The following TMEM132C variants were observed in gnomAD, a reference collection of about 807,000 sequenced individuals.
TMEM132C encodes the protein protein phosphatase 1, regulatory subunit 152.
TMEM132C carries 29 observed loss-of-function variants against 61.4 expected under a neutral mutation model. The observed-to-expected ratio is 0.47, with a 90% CI of 0.35 to 0.64. TMEM132C has a LOEUF of 0.64. Ranked by LOEUF, TMEM132C falls within the 30% of genes least tolerant of loss-of-function variation. The pLI is 0.00. For missense variants in TMEM132C, 1,408 were observed against 1,476.9 expected (o/e 0.95, Z 0.76); for synonymous variants, 656 against 633.1 (o/e 1.04, Z -0.54).
At chr12:128,414,288 C>CTT (rs1868677962) in intron 1 of TMEM132C, among the ~76,000 whole-genome samples, 1 of 152,134 alleles carries the variant, frequency 6.6e-6, no homozygotes, top group South Asian at 2.1e-4. Context: ...GAGATGCTAC[C>CTT]TTTATCACTG....
chr12:128,673,629 G>A (rs75369510), intron 5 of TMEM132C, among the ~76,000 whole-genome samples: 4,140 of 152,292 alleles, frequency 0.027, 172 homozygotes, highest in African/African-American at 0.092. Flanking sequence ...AATAGTCTAT[G>A]CTCTGTTTGT....
intron 5 of TMEM132C, among the ~76,000 whole-genome samples, chr12:128,682,210 G>A (rs1270345173): frequency 6.6e-6 from 1 of 152,206 alleles, no homozygotes; most frequent in East Asian, 1.9e-4. Context: ...ACAGGAGTGG[G>A]GCAAGGGAAG....
chr12:128,273,060 G>C (rs1178761199), intron 1 of TMEM132C, among the ~76,000 whole-genome samples: 1 of 152,104 alleles, frequency 6.6e-6, no homozygotes, highest in African/African-American at 2.4e-5. Flanking sequence ...CCTTACCCAA[G>C]GCCACAATGA....
At chr12:128,704,663 A>G (rs1954824066) in intron 8 of TMEM132C, among the ~76,000 whole-genome samples, 1 of 152,142 alleles carries the variant, frequency 6.6e-6, no homozygotes, top group Admixed American at 6.5e-5. Flanking sequence ...CTGGATACAG[A>G]CAACAGCTGT....
Position 128,650,449 on chromosome 12 carries a change from C to A in TMEM132C, c.1306-18968C>A, listed in dbSNP as rs563304240. Among the ~76,000 whole-genome samples, 237 of 152,182 alleles carry A rather than the reference C, an allele frequency of 1.6e-3. 1 individual carries two copies. Among genetic ancestry groups the A allele is most frequent in the Non-Finnish European group, 2.6e-3 (176 of 68,004 alleles). ...TTAAAAAAAGGTGGGGGAAGCATGGCATGGTGGCTCACATCTGTAATCCCA... is the reference window on the plus strand; with the variant it reads ...TTAAAAAAAGGTGGGGGAAGCATGGAATGGTGGCTCACATCTGTAATCCCA... On this transcript the variant is annotated intron_variant, in intron 4 of 8. Coordinates refer to ENST00000435159, the MANE Select transcript of TMEM132C (RefSeq NM_001136103.3).
chr12:128,366,152 G>C (rs901329421), intron 1 of TMEM132C, among the ~76,000 whole-genome samples: 1 of 152,204 alleles, frequency 6.6e-6, no homozygotes, highest in Non-Finnish European at 1.5e-5. Flanking sequence ...GCCCAGGGCC[G>C]GGAAGGGAGA....
intron 2 of TMEM132C, among the ~76,000 whole-genome samples, chr12:128,460,801 C>T (rs2136068750): frequency 6.6e-6 from 1 of 152,270 alleles, no homozygotes. Context: ...ACTCAATCAT[C>T]AGTAGGTTTG....
At chr12:128,656,680 A>T (rs561348452) in intron 4 of TMEM132C, among the ~76,000 whole-genome samples, 1 of 152,322 alleles carries the variant, frequency 6.6e-6, no homozygotes, top group South Asian at 2.1e-4. Flanking sequence ...ACAAGTCCCC[A>T]GAGGATGCTG....
At chr12:128,272,098 A>C (rs1192719788) in intron 1 of TMEM132C, among the ~76,000 whole-genome samples, 1 of 152,232 alleles carries the variant, frequency 6.6e-6, no homozygotes, top group East Asian at 1.9e-4. Flanking sequence ...AAGTTTCGAC[A>C]AATGCACACA....
In TMEM132C at chr12:128,655,615, C is replaced by G. The variant is rs1954318363; in HGVS notation, c.1306-13802C>G. On this transcript the variant is annotated intron_variant, in intron 4 of 8. Coordinates refer to ENST00000435159, the MANE Select transcript of TMEM132C (RefSeq NM_001136103.3). ...AATTTTTCTATTGCTGCAAATTAGG[C>G]TGAGTTGTCAGTCTCTGCTTTCTCC... 2.6e-5 allele frequency among the ~76,000 whole-genome samples: 4 copies of G among 151,892 alleles called. No individual in the cohort carries two copies. The South Asian group carries it at 8.3e-4, about 32-fold the overall frequency.
At chr12:128,334,749 C>G (rs931477397) in intron 1 of TMEM132C, among the ~76,000 whole-genome samples, 1 of 152,092 alleles carries the variant, frequency 6.6e-6, no homozygotes, top group Admixed American at 6.5e-5. Flanking sequence ...GTGCCCGCCA[C>G]CATGCCTGGC....
chr12:128,695,500 A>G (rs1954753325), intron 6 of TMEM132C, among the ~76,000 whole-genome samples: 1 of 152,168 alleles, frequency 6.6e-6, no homozygotes, highest in South Asian at 2.1e-4. Context: ...TTTAGCCTGG[A>G]CAACAGAGCA....
intron 1 of TMEM132C, among the ~76,000 whole-genome samples, chr12:128,403,570 A>C (rs142146353): frequency 6.6e-6 from 1 of 152,158 alleles, no homozygotes; most frequent in East Asian, 1.9e-4. Context: ...AATGATTATG[A>C]TAATAGCAAC....
intron 2 of TMEM132C, among the ~76,000 whole-genome samples, chr12:128,532,917 C>T (rs1873370515): frequency 6.6e-6 from 1 of 152,146 alleles, no homozygotes; most frequent in Non-Finnish European, 1.5e-5. Flanking sequence ...CACCCTGATC[C>T]TAAGACACTG....
Position 128,570,785 on chromosome 12 carries a change from G to A in TMEM132C, c.1121+26682G>A, listed in dbSNP as rs1466372245. ...TGGCTAAGGCAATAAGTAGGTGAAG[G>A]CTGGCGCTGTTTGCCTCTTTGGATA... On this transcript the variant is annotated intron_variant, in intron 3 of 8. Transcript: ENST00000435159. This position sits in a 1 kb window ranked among gnomAD's most constrained non-coding sequence, Gnocchi z 4.7. Among the ~76,000 whole-genome samples the A allele has an allele frequency of 6.6e-6, 1 of 152,214 alleles. No individual in the cohort carries two copies.
At chr12:128,694,971 G>A (rs61347699) in intron 6 of TMEM132C, among the ~76,000 whole-genome samples, 2,740 of 152,290 alleles carry the variant, frequency 0.018, 86 homozygotes, top group African/African-American at 0.063. Context: ...TTCCTCATCT[G>A]TTCATGAGAA....
intron 1 of TMEM132C, among the ~76,000 whole-genome samples, chr12:128,400,382 A>G (rs373930246): frequency 2.0e-5 from 3 of 152,270 alleles, no homozygotes; most frequent in East Asian, 1.9e-4. Flanking sequence ...CTTAAGAGTG[A>G]GGGACCTTCT....
intron 1 of TMEM132C, among the ~76,000 whole-genome samples, chr12:128,353,890 G>A (rs1873417115): frequency 6.6e-6 from 1 of 152,084 alleles, no homozygotes; most frequent in South Asian, 2.1e-4. Context: ...TCGTATCACG[G>A]GGTTGCTGTT....
intron 1 of TMEM132C, among the ~76,000 whole-genome samples, chr12:128,356,809 T>A (rs2135967650): frequency 6.6e-6 from 1 of 152,356 alleles, no homozygotes; most frequent in Admixed American, 6.5e-5. Flanking sequence ...GCAGTGAGTC[T>A]TGTGCTTGTC....
Sources: gnomAD v4.1 joint callset for allele counts (sites outside exome capture counted in the v4.1 genomes callset) on GRCh38, gnomAD v4.1.1 for gene constraint, Gnocchi (gnomAD v3.1) non-coding constraint, MANE v1.5 for transcripts, NCBI Gene and HGNC (gene_info 2026-07-23, HGNC 2026-07-21) for gene names.